The following TBC1D23 variants were observed in gnomAD, a reference collection of about 807,000 sequenced individuals.
The protein encoded by TBC1D23 is TBC1 domain family member 23, also known as HCV non-structural protein 4A-transactivated protein 1.
TBC1D23 carries 55 observed loss-of-function variants against 91.4 expected under a neutral mutation model. The ratio of observed to expected loss-of-function variants is 0.60; its 90% CI spans 0.48 to 0.75. TBC1D23 has a LOEUF of 0.75. TBC1D23 is among the 30% of genes least tolerant of loss of function. The pLI is 0.00. For synonymous variants in TBC1D23, 289 were observed against 281.0 expected (o/e 1.03, Z -0.28); for missense variants, 725 against 836.1 (o/e 0.87, Z 1.64).
intron 1 of TBC1D23, among the ~76,000 whole-genome samples, chr3:100,268,191 T>C (rs1362231589): frequency 6.6e-6 from 1 of 152,088 alleles, no homozygotes. Context: ...CCATGGGTTA[T>C]TTTTCCTTTA....
At chr3:100,280,444 T>G (rs958863865) in intron 2 of TBC1D23, among the ~76,000 whole-genome samples, 11 of 152,208 alleles carry the variant, frequency 7.2e-5, no homozygotes, top group Non-Finnish European at 1.6e-4. Context: ...TATTATTTTT[T>G]AAAATTTTGA....
intron 18 of TBC1D23, among the ~76,000 whole-genome samples, chr3:100,321,319 G>A (rs1705854425): frequency 6.6e-6 from 1 of 152,092 alleles, no homozygotes; most frequent in Admixed American, 6.5e-5. Flanking sequence ...AAAAATTCTT[G>A]TTTTGACAAA....
At chr3:100,262,641 C>G (rs2067521377) in intron 1 of TBC1D23, among the ~76,000 whole-genome samples, 2 of 133,018 alleles carry the variant, frequency 1.5e-5, no homozygotes, top group Admixed American at 9.3e-5. Flanking sequence ...AGGAGAATCG[C>G]TTGAACCCGG....
chr3:100,287,181 C>T (rs1012668229), intron 4 of TBC1D23, among the ~76,000 whole-genome samples: 20 of 151,426 alleles, frequency 1.3e-4, no homozygotes, highest in African/African-American at 3.2e-4. Flanking sequence ...TGCTTGATCT[C>T]GGCTCACTGC....
At chr3:100,297,070 A>G (rs2067848466) in intron 8 of TBC1D23, among the ~76,000 whole-genome samples, 1 of 152,140 alleles carries the variant, frequency 6.6e-6, no homozygotes, top group Non-Finnish European at 1.5e-5. Context: ...GAGTGATGTG[A>G]ACTCCTGAAA....
intron 10 of TBC1D23, chr3:100,301,719 T>C (rs1705436078): frequency 1.1e-5 from 2 of 174,192 alleles, no homozygotes; most frequent in Admixed American, 1.3e-4. Flanking sequence ...AAAATAGAGC[T>C]TGTTTTGATC....
chr3:100,273,741 A>G (rs2067622255), intron 1 of TBC1D23, among the ~76,000 whole-genome samples: 2 of 152,224 alleles, frequency 1.3e-5, no homozygotes, highest in South Asian at 2.1e-4. Flanking sequence ...CTGATCTTCA[A>G]TAAACCTGAC....
intron 12 of TBC1D23, among the ~76,000 whole-genome samples, chr3:100,305,101 T>G (rs777895869): frequency 1.3e-5 from 2 of 152,146 alleles, no homozygotes; most frequent in Non-Finnish European, 2.9e-5. Flanking sequence ...TAAGACTATT[T>G]TAATAGATTT....
chr3:100,291,472 C>T (rs1290974115), intron 5 of TBC1D23, among the ~76,000 whole-genome samples: 1 of 151,644 alleles, frequency 6.6e-6, no homozygotes, highest in Non-Finnish European at 1.5e-5. Flanking sequence ...ATCCCAGCTA[C>T]TTGGGAGGCT....
At position 100,287,355 on chromosome 3, in the gene TBC1D23, A is replaced by G. The variant is rs141866014; in HGVS notation, c.477-3223A>G. 2.6e-5 allele frequency among the ~76,000 whole-genome samples: 4 copies of G among 152,334 alleles called. No homozygotes were observed. In the East Asian group the frequency reaches 7.7e-4, roughly 29 times the overall value. On this transcript the variant is annotated intron_variant, in intron 4 of 18. Coordinates refer to ENST00000394144, the MANE Select transcript of TBC1D23 (RefSeq NM_001199198.3). Reference sequence around the variant, plus strand: ...ACAGTTTCACATATAAGATGGCAGAATCCCGTCAAGCACAGTGCCTTGTAC... The same window carrying G: ...ACAGTTTCACATATAAGATGGCAGAGTCCCGTCAAGCACAGTGCCTTGTAC...
intron 1 of TBC1D23, among the ~76,000 whole-genome samples, chr3:100,275,183 T>G (rs1209715512): frequency 6.6e-6 from 1 of 152,214 alleles, no homozygotes; most frequent in African/African-American, 2.4e-5. Flanking sequence ...AACCTATGTT[T>G]TTTGAAAGTA....
intron 4 of TBC1D23, among the ~76,000 whole-genome samples, chr3:100,287,150 TCACC>T (rs2067751044): frequency 6.6e-6 from 1 of 151,956 alleles, no homozygotes; most frequent in Non-Finnish European, 1.5e-5. Flanking sequence ...TCTCACTCTG[TCACC>T]CAGACTAGAG....
At chr3:100,281,168 TA>T (rs1248931607) in intron 2 of TBC1D23, among the ~76,000 whole-genome samples, 1 of 152,014 alleles carries the variant, frequency 6.6e-6, no homozygotes, top group Non-Finnish European at 1.5e-5. Flanking sequence ...TCTCAAAAAA[TA>T]AAAAAGACTG....
chr3:100,307,123 A>C lies in TBC1D23; in HGVS notation c.1413+580A>C, dbSNP rs182688425. ...GTTATTGAGATGTGTATTACTACCC[A>C]GTTTTGCTACAGTGGATAAATCTGT... On this transcript the variant is annotated intron_variant, in intron 13 of 18. Transcript: ENST00000394144. 1.2e-4 allele frequency among the ~76,000 whole-genome samples: 19 copies of C among 152,332 alleles called. No individual in the cohort carries two copies. In the East Asian group the frequency reaches 1.7e-3, roughly 14 times the overall value.
chr3:100,291,582 CAA>C (rs770935259), intron 5 of TBC1D23, among the ~76,000 whole-genome samples: 8 of 72,874 alleles, frequency 1.1e-4, no homozygotes, highest in East Asian at 3.9e-4. Flanking sequence ...GACTCTGTCT[CAA>C]AAAAAAAAAA....
Position 100,296,203 on chromosome 3 carries a change from T to C in TBC1D23, c.804T>C (p.Asn268=). ...KFLENTPSSL[N]IEDIEDLFSL... ...TGGAAAATACTCCATCCAGTCTGAA[T>C]ATAGAAGATATAGAAGACCTTTTCT... The change falls in exon 8 of 19, where the codon AAT becomes AAC. Residue 268 remains asparagine (N), a synonymous_variant. Coordinates refer to ENST00000394144, the MANE Select transcript of TBC1D23 (RefSeq NM_001199198.3). The C allele has an allele frequency of 6.3e-7, 1 of 1,599,072 alleles. No homozygotes were observed. Among genetic ancestry groups the C allele is most frequent in the Non-Finnish European group, 8.5e-7 (1 of 1,172,632 alleles).
At chr3:100,302,363 C>A in intron 11 of TBC1D23, 126 bp downstream of exon 11, 1 of 687,052 alleles carries the variant, frequency 1.5e-6, no homozygotes, top group East Asian at 3.2e-5. Flanking sequence ...TTGTTAAGGT[C>A]TTCTCCAGAT....
intron 5 of TBC1D23, among the ~76,000 whole-genome samples, chr3:100,294,206 A>G (rs966613845): frequency 3.3e-5 from 5 of 151,590 alleles, no homozygotes; most frequent in African/African-American, 1.2e-4. Context: ...TAAATTAACA[A>G]CTCTTAGCTC....
intron 16 of TBC1D23, among the ~76,000 whole-genome samples, chr3:100,318,064 C>G (rs1049737579): frequency 1.1e-4 from 17 of 151,836 alleles, no homozygotes; most frequent in Middle Eastern, 3.4e-3. Context: ...ACACCAAATT[C>G]AGATAATTAG....
Sources: gnomAD v4.1 joint callset for allele counts (sites outside exome capture counted in the v4.1 genomes callset) on GRCh38, gnomAD v4.1.1 for gene constraint, MANE v1.5 for transcripts, NCBI Gene and HGNC (gene_info 2026-07-23, HGNC 2026-07-21) for gene names.